The following DSCAML1 variants were observed in gnomAD, a reference collection of about 807,000 sequenced individuals.
The protein encoded by DSCAML1 is cell adhesion molecule DSCAML1.
A neutral mutation model predicts 200.5 loss-of-function variants in DSCAML1; 38 were observed. That is an observed-to-expected ratio of 0.19 (90% CI 0.15 to 0.25). The LOEUF is 0.25. Among genes scored for constraint, DSCAML1 ranks in the 10% least tolerant of loss-of-function variants. DSCAML1 has a pLI of 1.00. For missense variants in DSCAML1, 2,223 were observed against 2,858.8 expected (o/e 0.78, Z 5.07); for synonymous variants, 1,215 against 1,165.0 (o/e 1.04, Z -0.87).
At chr11:117,671,898 G>A (rs889513255) in intron 3 of DSCAML1, among the ~76,000 whole-genome samples, 2 of 151,814 alleles carry the variant, frequency 1.3e-5, no homozygotes, top group Admixed American at 6.6e-5. Context: ...GATTACCTGA[G>A]GTCAGGAGAT....
chr11:117,710,652 G>C (rs915784550), intron 3 of DSCAML1, among the ~76,000 whole-genome samples: 8 of 152,186 alleles, frequency 5.3e-5, no homozygotes, highest in African/African-American at 1.7e-4. Flanking sequence ...GATAATTACA[G>C]TGCCTACCTG....
At chr11:117,568,554 A>G (rs1302574645) in intron 3 of DSCAML1, among the ~76,000 whole-genome samples, 2 of 152,062 alleles carry the variant, frequency 1.3e-5, no homozygotes, top group African/African-American at 2.4e-5. Flanking sequence ...ATGTACAAAA[A>G]TCACAAGCAT....
Position 117,428,704 on chromosome 11 carries a change from G to C in DSCAML1, c.5786C>G (p.Ser1929Cys). The C allele has an allele frequency of 6.2e-7, 1 of 1,613,242 alleles. No homozygotes were observed. Among genetic ancestry groups the C allele is most frequent in the Non-Finnish European group, 8.5e-7 (1 of 1,179,766 alleles). Residue 1929 changes from serine (S) to cysteine (C), a missense_variant, in exon 33 of 33, where the codon TCC becomes TGC. Around this residue, in one of 7 missense-constraint regions of DSCAML1, gnomAD observed 280 missense variants for 213.4 expected, o/e 1.31. Coordinates refer to ENST00000651296, the MANE Select transcript of DSCAML1 (RefSeq NM_020693.4). ...GTAGGTTCGAGCCAGGTTCCGGATG[G>C]AGGCCTCACGGGGTGGGACCACGGG... ...PCPVVPPREA[S>C]IRNLARTYHT...
chr11:117,481,653 C>G (rs1470546648), intron 12 of DSCAML1, among the ~76,000 whole-genome samples: 1 of 144,278 alleles, frequency 6.9e-6, no homozygotes, highest in Admixed American at 6.9e-5. Context: ...GCTGAGGGAT[C>G]CAGGAGAGAG....
At chr11:117,761,755 C>T (rs1005040725) in intron 3 of DSCAML1, among the ~76,000 whole-genome samples, 3 of 152,124 alleles carry the variant, frequency 2.0e-5, no homozygotes, top group Non-Finnish European at 4.4e-5. Flanking sequence ...CCTGTAGTCC[C>T]AGCTACTTGG....
At chr11:117,565,071 C>T (rs886937375) in intron 3 of DSCAML1, among the ~76,000 whole-genome samples, 3 of 152,094 alleles carry the variant, frequency 2.0e-5, no homozygotes, top group African/African-American at 7.2e-5. Context: ...CCGGCCAAAC[C>T]TCACTTTCAA....
intron 3 of DSCAML1, among the ~76,000 whole-genome samples, chr11:117,654,172 G>A (rs911910480): frequency 3.3e-5 from 5 of 152,170 alleles, no homozygotes; most frequent in Admixed American, 3.3e-4. Context: ...CAGATTGGTG[G>A]TTGCTTAGGG....
intron 3 of DSCAML1, among the ~76,000 whole-genome samples, chr11:117,562,486 G>A (rs1404431909): frequency 6.6e-6 from 1 of 152,176 alleles, no homozygotes; most frequent in African/African-American, 2.4e-5. Flanking sequence ...CATCAGATGT[G>A]TTTAACCCCA....
Position 117,469,964 on chromosome 11 carries a change from G to A in DSCAML1, c.2970C>T (p.Pro990=). 3 of 1,605,326 alleles carry A rather than the reference G, an allele frequency of 1.9e-6. No individual in the cohort carries two copies. Among genetic ancestry groups the A allele is most frequent in the Non-Finnish European group, 2.6e-6 (3 of 1,174,318 alleles). Reference sequence around the variant, plus strand: ...TCACTGGCTGCAAGGTAACATCCATGGGGGGCCCATCGGGAGCTGAGCAGG... The same window carrying A: ...TCACTGGCTGCAAGGTAACATCCATAGGGGGCCCATCGGGAGCTGAGCAGG... ...STEEAAPDGP[P]MDVTLQPVTS... The change falls in exon 16 of 33, where the codon CCC becomes CCT. Residue 990 remains proline (P), a synonymous_variant. Transcript: ENST00000651296. This position sits in a 1 kb window ranked among gnomAD's most constrained non-coding sequence, Gnocchi z 4.1.
intron 3 of DSCAML1, among the ~76,000 whole-genome samples, chr11:117,542,435 A>AT (rs2050290395): frequency 6.6e-6 from 1 of 152,204 alleles, no homozygotes; most frequent in South Asian, 2.1e-4. Flanking sequence ...GGGTGGTTCC[A>AT]TCTCTGCCTG....
At chr11:117,559,229 A>G (rs1447938015) in intron 3 of DSCAML1, among the ~76,000 whole-genome samples, 1 of 152,204 alleles carries the variant, frequency 6.6e-6, no homozygotes, top group East Asian at 1.9e-4. Flanking sequence ...GACCGCCATC[A>G]TGTACAGCTC....
At chr11:117,433,815 C>T (rs1173972103) in intron 27 of DSCAML1, among the ~76,000 whole-genome samples, 1 of 152,216 alleles carries the variant, frequency 6.6e-6, no homozygotes, top group Non-Finnish European at 1.5e-5. Context: ...AAATGGATAT[C>T]AGTGGAAGAT....
chr11:117,428,835 G>A (rs1426101575), intron 32 of DSCAML1, 32 bp from the exon 33 acceptor site: 3 of 1,544,176 alleles, frequency 1.9e-6, no homozygotes, highest in African/African-American at 2.7e-5. Flanking sequence ...ATGTTACAGA[G>A]AGTCATAGCC....
At chr11:117,598,021 A>AT (rs1157271307) in intron 3 of DSCAML1, among the ~76,000 whole-genome samples, 1 of 152,222 alleles carries the variant, frequency 6.6e-6, no homozygotes, top group East Asian at 1.9e-4. Flanking sequence ...GATACAATAT[A>AT]TATATTAAAG....
chr11:117,675,684 A>G (rs1448152290), intron 3 of DSCAML1, among the ~76,000 whole-genome samples: 2 of 151,860 alleles, frequency 1.3e-5, no homozygotes, highest in Non-Finnish European at 2.9e-5. Context: ...TGGTTTTCTA[A>G]GTGCAGGTCC....
At chr11:117,768,642 C>T (rs776161993) in intron 3 of DSCAML1, among the ~76,000 whole-genome samples, 1 of 152,190 alleles carries the variant, frequency 6.6e-6, no homozygotes, top group Admixed American at 6.5e-5. Context: ...GAATTTGAGT[C>T]TCCTCAGAGG....
At chr11:117,679,217 C>T (rs2053270081) in intron 3 of DSCAML1, among the ~76,000 whole-genome samples, 1 of 152,212 alleles carries the variant, frequency 6.6e-6, no homozygotes, top group Non-Finnish European at 1.5e-5. Context: ...CTGGGCCCAG[C>T]AGGCTTGTGG....
intron 3 of DSCAML1, among the ~76,000 whole-genome samples, chr11:117,574,690 G>A (rs909062265): frequency 6.6e-6 from 1 of 152,190 alleles, no homozygotes; most frequent in Non-Finnish European, 1.5e-5. Context: ...TGGACTCAAT[G>A]AGGACTGGCA....
chr11:117,530,054 C>T (rs1310049136), intron 4 of DSCAML1, among the ~76,000 whole-genome samples: 1 of 152,140 alleles, frequency 6.6e-6, no homozygotes, highest in Non-Finnish European at 1.5e-5. Flanking sequence ...TCCTGTGCCC[C>T]ATGCCAATCT....
Sources: allele counts gnomAD v4.1 joint callset (sites outside exome capture counted in the v4.1 genomes callset), GRCh38; gene constraint gnomAD v4.1.1; regional missense constraint gnomAD v4.1.1; non-coding constraint Gnocchi (gnomAD v3.1); transcripts MANE v1.5; gene names NCBI Gene and HGNC (gene_info 2026-07-23, HGNC 2026-07-21).